SCP2: variants seen among roughly 807,000 people sequenced by gnomAD.
SCP2 encodes the protein sterol carrier protein 2.
In SCP2, 48 loss-of-function variants were observed where a neutral mutation model predicts 71.4. The observed-to-expected ratio is 0.67, with a 90% CI of 0.53 to 0.86. The LOEUF is 0.86. Ranked by LOEUF, SCP2 falls within the 40% of genes least tolerant of loss-of-function variation. SCP2 has a pLI of 0.00. For missense variants in SCP2, 560 were observed against 655.6 expected, an observed-to-expected ratio of 0.85 and a Z score of 1.59; for synonymous variants, 220 against 218.1, an observed-to-expected ratio of 1.01 and a Z score of -0.08.
intron 5 of SCP2, among the ~76,000 whole-genome samples, chr1:52,955,467 C>A (rs1380932340): frequency 6.6e-6 from 1 of 152,056 alleles, no homozygotes; most frequent in Admixed American, 6.6e-5. Flanking sequence ...AAACTGCCCA[C>A]TTCCATGAGA....
At position 53,038,943 on chromosome 1, in the gene SCP2, C is replaced by T. The variant is rs367571385; in HGVS notation, c.1365C>T (p.Ile455=). The stretch of plus-strand genomic sequence containing the variant: ...AAGGGGAACAGTTTGTGAAGAAAAT[C>T]GGTGGTATTTTTGCCTTCAAGGTGA... The part of the protein sequence containing the change: ...EEEGEQFVKK[I]GGIFAFKVKD... The change falls in exon 14 of 16, where the codon ATC becomes ATT. Residue 455 remains isoleucine, a synonymous_variant. Transcript: ENST00000371514. 4 of 1,613,878 alleles carry T rather than the reference C, an allele frequency of 2.5e-6. No homozygotes were observed. Among genetic ancestry groups the T allele is most frequent in the East Asian group, 4.5e-5 (2 of 44,892 alleles).
intron 10 of SCP2, among the ~76,000 whole-genome samples, chr1:52,984,849 T>C (rs1402655067): frequency 2.0e-5 from 3 of 148,798 alleles, no homozygotes; most frequent in Non-Finnish European, 4.5e-5. Flanking sequence ...TCTTCTTTTT[T>C]TTTTTTTCCG....
At chr1:52,940,466 G>A (rs2150109161) in intron 1 of SCP2, 1 of 154,588 alleles carries the variant, frequency 6.5e-6, no homozygotes, top group Non-Finnish European at 1.5e-5. Flanking sequence ...GACCAGCATT[G>A]CAGGGCATAA....
intron 11 of SCP2, among the ~76,000 whole-genome samples, chr1:52,997,985 A>G (rs889395936): frequency 2.0e-5 from 3 of 152,194 alleles, no homozygotes; most frequent in Non-Finnish European, 4.4e-5. Flanking sequence ...CTTCATATAA[A>G]TGGAATCATA....
At chr1:52,932,651 A>G (rs11206041) in intron 1 of SCP2, among the ~76,000 whole-genome samples, 5,221 of 152,284 alleles carry the variant, frequency 0.034, 308 homozygotes, top group African/African-American at 0.12. Context: ...CATTTTGACC[A>G]TGTGGACTAT....
intron 13 of SCP2, among the ~76,000 whole-genome samples, chr1:53,029,266 G>GTT (rs201716383): frequency 1.1e-4 from 15 of 140,394 alleles, no homozygotes; most frequent in Admixed American, 2.1e-4. Context: ...ATCTCTTTCT[G>GTT]TTTTTTTTTT....
intron 6 of SCP2, among the ~76,000 whole-genome samples, chr1:52,965,688 G>A (rs1197202621): frequency 1.3e-5 from 2 of 152,046 alleles, no homozygotes; most frequent in Admixed American, 6.6e-5. Context: ...AGGCTGGAGT[G>A]CAATGGCATG....
chr1:53,018,893 T>G (rs1047970933), intron 12 of SCP2, among the ~76,000 whole-genome samples: 4 of 152,188 alleles, frequency 2.6e-5, no homozygotes, highest in African/African-American at 9.7e-5. Flanking sequence ...TCCCTAAAAA[T>G]GCATTTAGCT....
intron 11 of SCP2, among the ~76,000 whole-genome samples, chr1:52,999,730 C>T (rs533138215): frequency 6.6e-6 from 1 of 151,622 alleles, no homozygotes; most frequent in Admixed American, 6.6e-5. Flanking sequence ...ACAAAAAACA[C>T]ATTAGTGTTC....
chr1:52,973,995 T>C (rs895965050), intron 6 of SCP2, among the ~76,000 whole-genome samples: 3 of 152,220 alleles, frequency 2.0e-5, no homozygotes, highest in African/African-American at 4.8e-5. Context: ...ATTATATGTA[T>C]GTCATTTTTG....
intron 5 of SCP2, 113 bp downstream of exon 5, chr1:52,954,917 G>C (rs1049316935): frequency 1.7e-5 from 14 of 846,214 alleles, no homozygotes; most frequent in Middle Eastern, 2.8e-4. Flanking sequence ...AAGAATCTTA[G>C]AGATAATTTT....
At chr1:52,934,347 A>G in intron 1 of SCP2, among the ~76,000 whole-genome samples, 1 of 151,960 alleles carries the variant, frequency 6.6e-6, no homozygotes, top group Non-Finnish European at 1.5e-5. Flanking sequence ...GGGACAGGTA[A>G]TATTAACAAA....
intron 10 of SCP2, among the ~76,000 whole-genome samples, chr1:52,982,824 G>A (rs1415120961): frequency 1.3e-5 from 2 of 152,262 alleles, no homozygotes; most frequent in South Asian, 2.1e-4. Flanking sequence ...GCTTTCAACA[G>A]TCATACACTT....
At chr1:52,998,696 A>T (rs1337411659) in intron 11 of SCP2, among the ~76,000 whole-genome samples, 1 of 152,228 alleles carries the variant, frequency 6.6e-6, no homozygotes, top group Non-Finnish European at 1.5e-5. Flanking sequence ...GTCAAAGGGT[A>T]GTATACATTT....
chr1:52,951,660 G>A (rs13373890), intron 4 of SCP2, among the ~76,000 whole-genome samples: 14,378 of 150,858 alleles, frequency 0.095, 1,328 homozygotes, highest in African/African-American at 0.23. Flanking sequence ...TAAAGTGTAC[G>A]ATTCAGTGTT....
intron 10 of SCP2, among the ~76,000 whole-genome samples, chr1:52,987,354 C>G (rs1659091263): frequency 6.6e-6 from 1 of 152,132 alleles, no homozygotes. Flanking sequence ...ACAGCATTGC[C>G]ACCATCATTA....
chr1:53,048,170 A>T, intron 15 of SCP2: 1 of 475,618 alleles, frequency 2.1e-6, no homozygotes, highest in Non-Finnish European at 4.0e-6. Flanking sequence ...CAGATGTGTA[A>T]AAGAGTCAGT....
intron 11 of SCP2, chr1:52,995,801 A>G (rs17131749): frequency 0.11 from 97,099 of 865,858 alleles, 8,499 homozygotes; most frequent in East Asian, 0.32. Context: ...AATCGGCAGC[A>G]GCACGGCCAT....
rs1664153794 is a variant in SCP2, at chr1:53,050,800, G to T, written c.*96G>T. 1.1e-6 allele frequency: 1 copy of T among 880,124 alleles called. No individual in the cohort carries two copies. The highest frequency in any genetic ancestry group is 1.3e-5 in the South Asian group (1 of 74,982). The allele number at this position is 880,124 out of a possible 1,614,324, so 54.5% of individuals were successfully genotyped here. A position where few individuals can be genotyped will look rare whatever the true frequency, so the allele number is the denominator to read the frequency against. On this transcript the variant is annotated 3_prime_UTR_variant, in exon 16 of 16. Coordinates refer to ENST00000371514, the MANE Select transcript of SCP2 (RefSeq NM_002979.5). ...AGAATTTAGACTGAAACTACACATTGGCAAATAGCGTGGGATAGATTTGTT... is the reference window on the plus strand; with the variant it reads ...AGAATTTAGACTGAAACTACACATTTGCAAATAGCGTGGGATAGATTTGTT...
Sources: gnomAD v4.1 joint callset for allele counts (sites outside exome capture counted in the v4.1 genomes callset) on GRCh38, gnomAD v4.1.1 for gene constraint, MANE v1.5 for transcripts, NCBI Gene and HGNC (gene_info 2026-07-23, HGNC 2026-07-21) for gene names.